Variants in COL4A5 observed in about 807,000 individuals in gnomAD.
The protein encoded by COL4A5 is collagen type IV alpha 5 chain.
In COL4A5, 26 loss-of-function variants were observed where a neutral mutation model predicts 130.2. That is an observed-to-expected ratio of 0.20 (90% CI 0.15 to 0.28). COL4A5 has a LOEUF of 0.28. Among genes scored for constraint, COL4A5 ranks in the 10% least tolerant of loss-of-function variants. The pLI, the probability that COL4A5 is intolerant of heterozygous loss-of-function variation, is 1.00. For synonymous variants in COL4A5, 496 were observed against 439.6 expected (o/e 1.13, Z -1.60); for missense variants, 1,131 against 1,344.3 (o/e 0.84, Z 2.48).
intron 47 of COL4A5, among the ~76,000 whole-genome samples, chrX:108,682,735 G>A (rs753870844): frequency 3.6e-5 from 4 of 111,566 alleles, no homozygotes; most frequent in Admixed American, 2.9e-4. Flanking sequence ...TTTTTGATGG[G>A]ATTGTGGTTG....
chrX:108,672,361 G>T (rs1176061124), intron 42 of COL4A5, among the ~76,000 whole-genome samples: 1 of 111,684 alleles, frequency 9.0e-6, no homozygotes, highest in Non-Finnish European at 1.9e-5. Context: ...AGAAGAAAAA[G>T]AAAAGTAGCC....
At chrX:108,629,719 T>G (rs1243038779) in intron 36 of COL4A5, among the ~76,000 whole-genome samples, 1 of 111,562 alleles carries the variant, frequency 9.0e-6, no homozygotes, top group Non-Finnish European at 1.9e-5. Flanking sequence ...AACGTGCAGG[T>G]TTGTTACATA....
chrX:108,512,715 T>C (rs1418742050), intron 1 of COL4A5, among the ~76,000 whole-genome samples: 2 of 110,425 alleles, frequency 1.8e-5, no homozygotes, highest in Admixed American at 9.7e-5. Context: ...GGTAATAGAA[T>C]ATCACAAGGC....
chrX:108,630,968 T>C (rs1249325364), intron 36 of COL4A5, among the ~76,000 whole-genome samples: 2 of 111,852 alleles, frequency 1.8e-5, no homozygotes, highest in East Asian at 2.8e-4. Flanking sequence ...TGGTTGTAGA[T>C]GTGTGGTGTT....
intron 1 of COL4A5, among the ~76,000 whole-genome samples, chrX:108,503,722 A>G (rs751909932): frequency 2.3e-4 from 26 of 112,187 alleles, no homozygotes; most frequent in Admixed American, 3.8e-4. Flanking sequence ...GATCTCTACA[A>G]GGATAATGAC....
intron 48 of COL4A5, 92 bp downstream of exon 48, chrX:108,686,221 C>A (rs1185888587): frequency 7.4e-6 from 5 of 673,856 alleles, no homozygotes; most frequent in Non-Finnish European, 1.2e-5. Flanking sequence ...GCTGTGAGAT[C>A]TTCTCTTGAT....
intron 36 of COL4A5, among the ~76,000 whole-genome samples, chrX:108,651,585 A>G (rs2067730669): frequency 1.8e-5 from 2 of 111,964 alleles, no homozygotes; most frequent in African/African-American, 6.5e-5. Flanking sequence ...AGTATGGAAT[A>G]GCATGATTTA....
intron 2 of COL4A5, among the ~76,000 whole-genome samples, chrX:108,558,232 T>C (rs1489669999): frequency 9.1e-6 from 1 of 110,069 alleles, no homozygotes; most frequent in African/African-American, 3.3e-5. Context: ...TTAAACTTCA[T>C]AGTGATGAAT....
chrX:108,671,428 C>T lies in COL4A5; in HGVS notation c.3799+1192C>T, dbSNP rs1470749468. ...ATTGATTCTCTAGTTTCTTACTCCACTGCAAACTCATTATTTCATAGAACC... is the reference window on the plus strand; with the variant it reads ...ATTGATTCTCTAGTTTCTTACTCCATTGCAAACTCATTATTTCATAGAACC... On this transcript the variant is annotated intron_variant, in intron 42 of 52. Transcript: ENST00000328300. Among the ~76,000 whole-genome samples, 3 of 111,920 alleles carry T rather than the reference C, an allele frequency of 2.7e-5. No individual in the cohort carries two copies. The South Asian group carries it at 1.1e-3, about 42-fold the overall frequency.
At chrX:108,526,671 C>CTCTTTCTTTCTTTCTT (rs71946950) in intron 1 of COL4A5, among the ~76,000 whole-genome samples, 8 of 41,892 alleles carry the variant, frequency 1.9e-4, no homozygotes, top group Admixed American at 6.5e-4. Context: ...TTCTTTCTTT[C>CTCTTTCTTTCTTTCTT]TCTTTCTTTC....
chrX:108,568,677 A>G lies in COL4A5; in HGVS notation c.321+4A>G. ...TCCAGGGACACCAGGTCTTCCTGTAAGTAGCATTTCACTTTTTACTTTGAA... is the reference window on the plus strand; with the variant it reads ...TCCAGGGACACCAGGTCTTCCTGTAGGTAGCATTTCACTTTTTACTTTGAA... On this transcript the variant is annotated splice_donor_region_variant and intron_variant, in intron 5 of 52. Transcript: ENST00000328300. The G allele has an allele frequency of 2.5e-6, 3 of 1,199,264 alleles. No individual in the cohort carries two copies. The highest frequency in any genetic ancestry group is 2.3e-6 in the Non-Finnish European group (2 of 884,443).
intron 31 of COL4A5, among the ~76,000 whole-genome samples, chrX:108,621,468 A>G (rs1452182335): frequency 1.8e-5 from 2 of 110,825 alleles, no homozygotes; most frequent in African/African-American, 6.6e-5. Flanking sequence ...ACTGGCCTGT[A>G]AGACTTCTTT....
At chrX:108,632,803 T>C (rs2067287819) in intron 36 of COL4A5, among the ~76,000 whole-genome samples, 1 of 111,675 alleles carries the variant, frequency 9.0e-6, no homozygotes, top group Admixed American at 9.5e-5. Context: ...AAAAACTCAA[T>C]AAACTAGGTA....
At chrX:108,494,022 T>C (rs955644273) in intron 1 of COL4A5, among the ~76,000 whole-genome samples, 1 of 111,570 alleles carries the variant, frequency 9.0e-6, no homozygotes, top group African/African-American at 3.2e-5. Context: ...ATGATAAAAA[T>C]TTCCATAAGA....
Position 108,686,065 on chromosome X carries a change from T to C in COL4A5, c.4251T>C (p.Asn1417=), listed in dbSNP as rs1413325023. The C allele has an allele frequency of 8.3e-7, 1 of 1,211,223 alleles. No homozygotes were observed. The change falls in exon 48 of 53, where the codon AAT becomes AAC. Residue 1417 remains asparagine, a synonymous_variant. Coordinates refer to ENST00000328300, the MANE Select transcript of COL4A5 (RefSeq NM_033380.3). ...PTGPPGDPGR[N]GLPGFDGAGG... is the part of the protein sequence containing the mutation. The stretch of plus-strand genomic sequence containing the variant: ...GCCCTCCAGGAGATCCTGGACGCAA[T>C]GGACTCCCTGGCTTTGATGGTGCAG...
At chrX:108,459,328 A>C (rs1435360659) in intron 1 of COL4A5, among the ~76,000 whole-genome samples, 1 of 110,638 alleles carries the variant, frequency 9.0e-6, no homozygotes, top group African/African-American at 3.3e-5. Context: ...TATTGTACTA[A>C]TTAGGGCCTG....
chrX:108,589,337 A>G (rs1603287081), intron 19 of COL4A5, among the ~76,000 whole-genome samples: 1 of 111,141 alleles, frequency 9.0e-6, no homozygotes, highest in African/African-American at 3.3e-5. Flanking sequence ...GAAAATGACT[A>G]AAAGTCTCAT....
chrX:108,441,800 G>A (rs1471539491), intron 1 of COL4A5, among the ~76,000 whole-genome samples: 1 of 111,628 alleles, frequency 9.0e-6, no homozygotes, highest in African/African-American at 3.3e-5. Flanking sequence ...ATATATATAT[G>A]TTTTTTGATG....
chrX:108,526,591 C>T lies in COL4A5; in HGVS notation c.82-13155C>T, dbSNP rs866658817. ...TCCTTTCCTCCCTCCCTCCCTCCCTCCCTCCTTTCTTTCTTTCTTTCTTTC... is the reference window on the plus strand; with the variant it reads ...TCCTTTCCTCCCTCCCTCCCTCCCTTCCTCCTTTCTTTCTTTCTTTCTTTC... On this transcript the variant is annotated intron_variant, in intron 1 of 52. Transcript: ENST00000328300. Among the ~76,000 whole-genome samples the T allele has an allele frequency of 1.3e-3, 69 of 53,234 alleles. 2 individuals are homozygous for T. Among genetic ancestry groups the T allele is most frequent in the African/African-American group, 7.7e-3 (62 of 8,031 alleles). 46.2% of individuals were successfully genotyped at this position (53,234 alleles called of 115,157 possible).
Sources: gnomAD v4.1 joint callset for allele counts (sites outside exome capture counted in the v4.1 genomes callset) on GRCh38, gnomAD v4.1.1 for gene constraint, MANE v1.5 for transcripts, NCBI Gene and HGNC (gene_info 2026-07-23, HGNC 2026-07-21) for gene names.